ARHGAP36: variants seen among roughly 807,000 people sequenced by gnomAD.
ARHGAP36 encodes Rho GTPase activating protein 36, also known as rho GTPase-activating protein 36.
In ARHGAP36, 7 loss-of-function variants were observed where a neutral mutation model predicts 32.9. That is an observed-to-expected ratio of 0.21 (90% CI 0.12 to 0.40). The LOEUF is 0.40. ARHGAP36 is among the 10% of genes least tolerant of loss of function. ARHGAP36 has a pLI of 1.00. For missense variants in ARHGAP36, 383 were observed against 442.2 expected (o/e 0.87, Z 1.20); for synonymous variants, 165 against 168.3 (o/e 0.98, Z 0.15).
In ARHGAP36 at chrX:131,088,505, C is replaced by A. The variant is rs6634806; in HGVS notation, c.1487-123C>A. The A allele has an allele frequency of 2.9e-4, 188 of 642,233 alleles. No individual in the cohort carries two copies. The African/African-American group carries it at 3.7e-3, about 13-fold the overall frequency. The allele number at this position is 642,233 out of a possible 1,213,427, so 52.9% of individuals were successfully genotyped here. ...TTATATGTCAAATGGGGATAATCAT[C>A]CCTGTCCTACCTTCTTGCCTCATAC... On this transcript the variant is annotated intron_variant, in intron 11 of 11. Transcript: ENST00000276211.
intron 3 of ARHGAP36, 112 bp from the exon 4 acceptor site, chrX:131,083,622 G>T: frequency 1.3e-6 from 1 of 756,530 alleles, no homozygotes; most frequent in Non-Finnish European, 2.0e-6. Flanking sequence ...TTCTGGAGAG[G>T]TGGGGTTGGC....
Position 131,085,572 on chromosome X carries a change from G to C in ARHGAP36, c.956-16G>C. The C allele has an allele frequency of 8.3e-7, 1 of 1,208,288 alleles. No individual in the cohort carries two copies. The highest frequency in any genetic ancestry group is 1.8e-5 in the South Asian group (1 of 56,070). Reference sequence around the variant, plus strand: ...AGACTATCCCCCTGAGACAGCCCCTGTTTTCCTTCTTCTAGCTTTAAAGCC... The same window carrying C: ...AGACTATCCCCCTGAGACAGCCCCTCTTTTCCTTCTTCTAGCTTTAAAGCC... On this transcript the variant is annotated splice_polypyrimidine_tract_variant and intron_variant, in intron 7 of 11. Transcript: ENST00000276211.
chrX:131,077,490 GT>G (rs1164290067), intron 1 of ARHGAP36, among the ~76,000 whole-genome samples: 1 of 110,207 alleles, frequency 9.1e-6, no homozygotes, highest in Non-Finnish European at 1.9e-5. Flanking sequence ...GAGTAAATTA[GT>G]CCTCCAAATC....
chrX:131,071,299 A>G (rs1417432574), intron 1 of ARHGAP36, among the ~76,000 whole-genome samples: 1 of 111,107 alleles, frequency 9.0e-6, no homozygotes, highest in Non-Finnish European at 1.9e-5. Flanking sequence ...GTGCTCTAGA[A>G]TGTATAAAGG....
At chrX:131,059,076 G>A (rs1332486634) in intron 1 of ARHGAP36, among the ~76,000 whole-genome samples, 1 of 111,752 alleles carries the variant, frequency 8.9e-6, no homozygotes, top group African/African-American at 3.3e-5. Context: ...GCGGTCTTTA[G>A]TCGGGTTCTT....
chrX:131,086,550 C>G lies in ARHGAP36; in HGVS notation c.1380-9C>G, dbSNP rs2079836564. 2.5e-6 allele frequency: 3 copies of G among 1,209,452 alleles called. No individual in the cohort carries two copies. Among genetic ancestry groups the G allele is most frequent in the Non-Finnish European group, 3.4e-6 (3 of 893,591 alleles). On this transcript the variant is annotated splice_polypyrimidine_tract_variant and intron_variant, in intron 10 of 11. Coordinates refer to ENST00000276211, the MANE Select transcript of ARHGAP36 (RefSeq NM_144967.4). ...ACAAACTGACTTTTTCAAAATCCTT[C>G]CCATTCAGGAGTGCACGCATAAAGA...
chrX:131,072,452 C>T (rs2079738253), intron 1 of ARHGAP36, among the ~76,000 whole-genome samples: 1 of 112,041 alleles, frequency 8.9e-6, no homozygotes, highest in Non-Finnish European at 1.9e-5. Context: ...TGTCCCCTGC[C>T]CTCAAATGCC....
chrX:131,084,651 C>T lies in ARHGAP36; in HGVS notation c.774C>T (p.Thr258=). 3.3e-6 allele frequency: 4 copies of T among 1,211,665 alleles called. No individual in the cohort carries two copies. The highest frequency in any genetic ancestry group is 4.5e-6 in the Non-Finnish European group (4 of 895,454). The part of the protein sequence containing the change: ...KHGLSAVGIF[T]LEYSVQRVRQ... Reference sequence around the variant, plus strand: ...GCTTAAGCGCAGTGGGGATTTTTACCCTTGAATACTCCGTGCAGCGAGTGC... The same window carrying T: ...GCTTAAGCGCAGTGGGGATTTTTACTCTTGAATACTCCGTGCAGCGAGTGC... The change falls in exon 6 of 12, where the codon ACC becomes ACT. Residue 258 remains threonine (T), a synonymous_variant. Coordinates refer to ENST00000276211, the MANE Select transcript of ARHGAP36 (RefSeq NM_144967.4).
chrX:131,088,609 C>T lies in ARHGAP36; in HGVS notation c.1487-19C>T. ...AAAGTCTAGAAACATAAGGAGTTAA[C>T]ATTGTTACTATTTTTCAGGTTCCTC... On this transcript the variant is annotated intron_variant, in intron 11 of 11. Transcript: ENST00000276211. 2 of 1,204,559 alleles carry T rather than the reference C, an allele frequency of 1.7e-6. No homozygotes were observed. Among genetic ancestry groups the T allele is most frequent in the Non-Finnish European group, 2.2e-6 (2 of 891,511 alleles).
intron 1 of ARHGAP36, among the ~76,000 whole-genome samples, chrX:131,061,284 G>A (rs1036133100): frequency 1.8e-5 from 2 of 110,878 alleles, no homozygotes; most frequent in African/African-American, 6.6e-5. Flanking sequence ...TTGTTACATA[G>A]GTATACATGT....
chrX:131,058,649 T>A (rs1342039394), intron 1 of ARHGAP36, among the ~76,000 whole-genome samples: 2 of 113,568 alleles, frequency 1.8e-5, no homozygotes, highest in Non-Finnish European at 3.7e-5. Flanking sequence ...CCGCGAGCAA[T>A]CGCGCTAATG....
chrX:131,085,550 CT>C, intron 7 of ARHGAP36, 37 bp from the exon 8 acceptor site: 1 of 1,194,257 alleles, frequency 8.4e-7, no homozygotes, highest in Non-Finnish European at 1.1e-6. Context: ...GCAGCCAAGA[CT>C]ATCCCCCTGA....
At chrX:131,076,561 G>A (rs1391337719) in intron 1 of ARHGAP36, among the ~76,000 whole-genome samples, 10 of 112,545 alleles carry the variant, frequency 8.9e-5, no homozygotes, top group South Asian at 3.7e-4. Context: ...GCTGCCTGCC[G>A]TCAGATATGA....
At chrX:131,058,481 T>C (rs1365856847) in intron 1 of ARHGAP36, 37 bp downstream of exon 1, 3 of 1,006,234 alleles carry the variant, frequency 3.0e-6, no homozygotes, top group Non-Finnish European at 3.8e-6. Context: ...GCTGGGGTGC[T>C]CGGCCGGGGG....
chrX:131,068,377 G>T (rs754970476), intron 1 of ARHGAP36, among the ~76,000 whole-genome samples: 3 of 112,518 alleles, frequency 2.7e-5, no homozygotes, highest in African/African-American at 9.7e-5. Flanking sequence ...GGCGGGCACA[G>T]ATGCTCTTTT....
chrX:131,086,717 A>C (rs1416116641), intron 11 of ARHGAP36, 52 bp downstream of exon 11: 1 of 1,109,189 alleles, frequency 9.0e-7, no homozygotes, highest in Non-Finnish European at 1.2e-6. Context: ...TCCCTTGTTG[A>C]AGGTCAGGCC....
At position 131,089,039 on chromosome X, in the gene ARHGAP36, C is replaced by G. The variant is rs1284955074; in HGVS notation, c.*254C>G. On this transcript the variant is annotated 3_prime_UTR_variant, in exon 12 of 12. Transcript: ENST00000276211. Reference sequence around the variant, plus strand: ...AGCTCCCCGGTGCTACCTTGCCTTTCTCTTTTACCCCTGATCTTGGCTTTC... The same window carrying G: ...AGCTCCCCGGTGCTACCTTGCCTTTGTCTTTTACCCCTGATCTTGGCTTTC... 3.1e-6 allele frequency: 1 copy of G among 318,712 alleles called. No individual in the cohort carries two copies. 26.3% of individuals were successfully genotyped at this position (318,712 alleles called of 1,213,427 possible).
Position 131,081,682 on chromosome X carries a change from C to G in ARHGAP36, c.17C>G (p.Pro6Arg). The G allele has an allele frequency of 1.7e-6, 2 of 1,210,152 alleles. No individual in the cohort carries two copies. Among genetic ancestry groups the G allele is most frequent in the Non-Finnish European group, 2.2e-6 (2 of 895,103 alleles). MGGCIPFLKAARALCP... is the reference protein window; with the variant it reads MGGCIRFLKAARALCP... ...GATTCCAGAATGGGTGGCTGCATTC[C>G]TTTTCTGAAGGCAGCAAGGGCACTG... Residue 6 changes from proline (P) to arginine (R), a missense_variant, in exon 2 of 12, where the codon CCT (proline) becomes CGT (arginine). By Grantham distance (103) the Pro-to-Arg change is moderately radical (BLOSUM62 -2). Transcript: ENST00000276211.
chrX:131,058,589 A>C, intron 1 of ARHGAP36, 145 bp downstream of exon 1: 2 of 517,998 alleles, frequency 3.9e-6, no homozygotes, highest in Non-Finnish European at 5.5e-6. Flanking sequence ...TTCCTGGCTC[A>C]AGGGACTGCC....
Sources: gnomAD v4.1 joint callset for allele counts (sites outside exome capture counted in the v4.1 genomes callset) on GRCh38, gnomAD v4.1.1 for gene constraint, MANE v1.5 for transcripts, NCBI Gene and HGNC (gene_info 2026-07-23, HGNC 2026-07-21) for gene names.